The following TUSC3 variants were observed in gnomAD, a reference collection of about 807,000 sequenced individuals.
TUSC3 encodes the protein tumor suppressor candidate 3, also known as dolichyl-diphosphooligosaccharide--protein glycosyltransferase subunit TUSC3.
TUSC3 carries 45 observed loss-of-function variants against 44.8 expected under a neutral mutation model. The observed-to-expected ratio is 1.00, with a 90% CI of 0.79 to 1.29. The LOEUF (loss-of-function observed/expected upper bound fraction) is 1.29, where lower values mean the gene tolerates loss of function less well. TUSC3 is among the 50% of genes most tolerant of loss of function. The pLI is 0.00. For synonymous variants in TUSC3, 212 were observed against 152.9 expected (o/e 1.39, Z -2.85); for missense variants, 519 against 437.9 (o/e 1.19, Z -1.65).
At chr8:15,717,706 A>G (rs930953083) in intron 6 of TUSC3, among the ~76,000 whole-genome samples, 2 of 152,124 alleles carry the variant, frequency 1.3e-5, no homozygotes, top group African/African-American at 4.8e-5. Context: ...ACATATAGCT[A>G]AATTGGCCAC....
intron 6 of TUSC3, among the ~76,000 whole-genome samples, chr8:15,705,202 G>A (rs888670839): frequency 6.6e-6 from 1 of 151,664 alleles, no homozygotes; most frequent in Non-Finnish European, 1.5e-5. Context: ...AGAGTACAGA[G>A]ACATTGATTT....
At chr8:15,488,049 A>C (rs1001748867) in intron 2 of TUSC3, among the ~76,000 whole-genome samples, 1 of 152,060 alleles carries the variant, frequency 6.6e-6, no homozygotes, top group Non-Finnish European at 1.5e-5. Flanking sequence ...CATCAGTTTC[A>C]TTATCTATAA....
chr8:15,699,092 C>T (rs539066733), intron 6 of TUSC3, among the ~76,000 whole-genome samples: 1 of 152,236 alleles, frequency 6.6e-6, no homozygotes, highest in Admixed American at 6.5e-5. Context: ...AAGTGATACT[C>T]CAGCACTGGC....
chr8:15,430,514 C>T (rs968934019), intron 1 of TUSC3, among the ~76,000 whole-genome samples: 1 of 150,592 alleles, frequency 6.6e-6, no homozygotes, highest in Admixed American at 6.6e-5. Flanking sequence ...AGACCCACAG[C>T]CAATATCGTA....
chr8:15,728,897 C>G (rs542074766), intron 6 of TUSC3, among the ~76,000 whole-genome samples: 17 of 152,018 alleles, frequency 1.1e-4, no homozygotes, highest in African/African-American at 3.9e-4. Context: ...TCCTGGAAGT[C>G]AAGTGAAGAA....
chr8:15,422,591 A>G (rs1253043210), intron 1 of TUSC3, among the ~76,000 whole-genome samples: 1 of 152,156 alleles, frequency 6.6e-6, no homozygotes, highest in African/African-American at 2.4e-5. Context: ...CCTTCACCAC[A>G]AAAACAACAA....
At chr8:15,827,099 G>T in the TUSC3 span, among the ~76,000 whole-genome samples, 1 of 152,052 alleles carries the variant, frequency 6.6e-6, no homozygotes, top group Non-Finnish European at 1.5e-5. Flanking sequence ...CTAGTCTCTT[G>T]ACTCCGAAGC....
chr8:15,763,601 CT>C (rs967607960), intron 10 of TUSC3, among the ~76,000 whole-genome samples: 1 of 151,914 alleles, frequency 6.6e-6, no homozygotes, highest in African/African-American at 2.4e-5. Flanking sequence ...GATTTACCAT[CT>C]TACAAAATTA....
chr8:15,764,988 G>C lies in TUSC3; in HGVS notation c.*832G>C, dbSNP rs1305142513. The C allele has an allele frequency of 1.3e-5, 2 of 151,952 alleles. No homozygotes were observed. The highest frequency in any genetic ancestry group is 2.9e-5 in the Non-Finnish European group (2 of 67,918). 9.4% of individuals were successfully genotyped at this position (151,952 alleles called of 1,614,324 possible). On this transcript the variant is annotated 3_prime_UTR_variant, in exon 11 of 11. Coordinates refer to ENST00000503731, the MANE Select transcript of TUSC3 (RefSeq NM_006765.4). ...TTTGCTCATGTGTTTTATGCAACCAGCTTTCCATCAAATCCTCAATCTTTG... is the reference window on the plus strand; with the variant it reads ...TTTGCTCATGTGTTTTATGCAACCACCTTTCCATCAAATCCTCAATCTTTG...
the TUSC3 span, among the ~76,000 whole-genome samples, chr8:15,782,505 T>C: frequency 1.3e-5 from 2 of 152,200 alleles, no homozygotes; most frequent in African/African-American, 4.8e-5. Flanking sequence ...ACTAGCAAAG[T>C]GAATATACTC....
At position 15,587,509 on chromosome 8, in the gene TUSC3, T is replaced by C. The variant is rs758161415; in HGVS notation, c.139-35571T>C. Among the ~76,000 whole-genome samples the C allele has an allele frequency of 3.3e-5, 5 of 152,276 alleles. No homozygotes were observed. In the South Asian group the frequency reaches 1.0e-3, roughly 32 times the overall value. ...TTCCATGTATGTATCCAATGTGCAA[T>C]GATCAAATCAGGGTAATTAGCATAT... On this transcript the variant is annotated intron_variant, in intron 1 of 10. Transcript: ENST00000503731.
chr8:15,844,019 A>G, the TUSC3 span, among the ~76,000 whole-genome samples: 2 of 152,268 alleles, frequency 1.3e-5, no homozygotes, highest in African/African-American at 2.4e-5. Flanking sequence ...CTTCTCAAAT[A>G]TCCTAATCAA....
intron 1 of TUSC3, among the ~76,000 whole-genome samples, chr8:15,460,688 C>A (rs1375996331): frequency 6.6e-6 from 1 of 152,134 alleles, no homozygotes; most frequent in Non-Finnish European, 1.5e-5. Flanking sequence ...CGTAATCCAT[C>A]TTGAGTTGAT....
At position 15,563,076 on chromosome 8, in the gene TUSC3, A is replaced by C. The variant is rs548680846; in HGVS notation, c.138+22508A>C. ...CTAAAGTGGGCAAGCCTGCACTTTTAGATTTTATGTAGTTTTAAATGGTGG... is the reference window on the plus strand; with the variant it reads ...CTAAAGTGGGCAAGCCTGCACTTTTCGATTTTATGTAGTTTTAAATGGTGG... On this transcript the variant is annotated intron_variant, in intron 1 of 10. Coordinates refer to ENST00000503731, the MANE Select transcript of TUSC3 (RefSeq NM_006765.4). Among the ~76,000 whole-genome samples, 4 of 152,216 alleles carry C rather than the reference A, an allele frequency of 2.6e-5. No homozygotes were observed. The East Asian group carries it at 7.7e-4, about 29-fold the overall frequency.
At chr8:15,524,092 G>T (rs1801340792) in intron 2 of TUSC3, among the ~76,000 whole-genome samples, 1 of 151,216 alleles carries the variant, frequency 6.6e-6, no homozygotes, top group Non-Finnish European at 1.5e-5. Flanking sequence ...AATGTGTTTG[G>T]TTTGCATTTG....
At chr8:15,633,264 A>T (rs1195086453) in intron 2 of TUSC3, among the ~76,000 whole-genome samples, 2 of 152,126 alleles carry the variant, frequency 1.3e-5, no homozygotes, top group Non-Finnish European at 2.9e-5. Context: ...GTCTTGGTCC[A>T]CAAAGAAGTC....
chr8:15,804,863 G>A, the TUSC3 span, among the ~76,000 whole-genome samples: 1 of 152,080 alleles, frequency 6.6e-6, no homozygotes, highest in Non-Finnish European at 1.5e-5. Context: ...CTAATTCTGT[G>A]AAGAATGAAA....
the TUSC3 span, among the ~76,000 whole-genome samples, chr8:15,803,972 C>G: frequency 2.6e-5 from 4 of 152,042 alleles, no homozygotes; most frequent in Non-Finnish European, 4.4e-5. Flanking sequence ...GGGTTGCTTC[C>G]AAGTCTTTGC....
chr8:15,660,581 A>G (rs1024602764), intron 4 of TUSC3, among the ~76,000 whole-genome samples: 1 of 151,970 alleles, frequency 6.6e-6, no homozygotes, highest in Admixed American at 6.6e-5. Context: ...GTAATACAGA[A>G]GCATTAATTT....
Sources: allele counts gnomAD v4.1 joint callset (sites outside exome capture counted in the v4.1 genomes callset), GRCh38; gene constraint gnomAD v4.1.1; transcripts MANE v1.5; gene names NCBI Gene and HGNC (gene_info 2026-07-23, HGNC 2026-07-21).